The following DLG2 variants were observed in gnomAD, a reference collection of about 807,000 sequenced individuals.
DLG2 encodes discs large MAGUK scaffold protein 2.
DLG2 carries 45 observed loss-of-function variants against 132.5 expected under a neutral mutation model. That is an observed-to-expected ratio of 0.34 (90% CI 0.27 to 0.44). The LOEUF (loss-of-function observed/expected upper bound fraction) is 0.44, where lower values mean the gene tolerates loss of function less well. Ranked by LOEUF, DLG2 falls within the 20% of genes least tolerant of loss-of-function variation. DLG2 has a pLI of 1.00. For synonymous variants in DLG2, 424 were observed against 419.6 expected (o/e 1.01, Z -0.13); for missense variants, 1,045 against 1,196.9 (o/e 0.87, Z 1.87).
At chr11:84,826,883 A>G (rs2078389705) in intron 6 of DLG2, among the ~76,000 whole-genome samples, 1 of 151,834 alleles carries the variant, frequency 6.6e-6, no homozygotes, top group Admixed American at 6.6e-5. Flanking sequence ...AAAATCTTTC[A>G]ATATTTCTCC....
intron 3 of DLG2, among the ~76,000 whole-genome samples, chr11:85,476,233 C>A (rs2093137171): frequency 1.3e-5 from 2 of 151,976 alleles, no homozygotes. Flanking sequence ...GGAAAAGGTA[C>A]AGTAAATATA....
intron 6 of DLG2, among the ~76,000 whole-genome samples, chr11:85,105,591 T>C (rs1381862924): frequency 6.6e-6 from 1 of 151,962 alleles, no homozygotes. Flanking sequence ...TATGGCCAAA[T>C]GTACTCTAAT....
intron 6 of DLG2, among the ~76,000 whole-genome samples, chr11:84,953,966 C>A (rs900773155): frequency 3.9e-5 from 6 of 152,076 alleles, no homozygotes; most frequent in Non-Finnish European, 8.8e-5. Flanking sequence ...ATACATTGTT[C>A]CCTCTTCCAT....
At chr11:84,045,673 C>G (rs1272985061) in intron 11 of DLG2, among the ~76,000 whole-genome samples, 35 of 151,478 alleles carry the variant, frequency 2.3e-4, no homozygotes. Context: ...ATATCCAATT[C>G]TGTGTATTGT....
chr11:84,184,512 C>T (rs12795963), intron 8 of DLG2, among the ~76,000 whole-genome samples: 3 of 151,334 alleles, frequency 2.0e-5, no homozygotes, highest in African/African-American at 7.3e-5. Context: ...TTCTCCCATT[C>T]TGTAGGTTGC....
At chr11:83,578,968 T>C (rs1320423690) in intron 19 of DLG2, among the ~76,000 whole-genome samples, 1 of 152,242 alleles carries the variant, frequency 6.6e-6, no homozygotes, top group African/African-American at 2.4e-5. Flanking sequence ...TAGTATAGAA[T>C]ATTTGCTTCC....
At chr11:84,838,849 A>G (rs897256387) in intron 6 of DLG2, among the ~76,000 whole-genome samples, 3 of 152,118 alleles carry the variant, frequency 2.0e-5, no homozygotes, top group Non-Finnish European at 4.4e-5. Context: ...ATATCAAAAT[A>G]TTAAGAGCTA....
intron 7 of DLG2, among the ~76,000 whole-genome samples, chr11:84,325,267 T>C (rs1393618975): frequency 6.6e-6 from 1 of 152,072 alleles, no homozygotes; most frequent in East Asian, 1.9e-4. Context: ...AAGGTGAAGG[T>C]TTTTTACATA....
chr11:84,072,300 T>C lies in DLG2; in HGVS notation c.750-12816A>G, dbSNP rs139756423. 3.1e-3 allele frequency among the ~76,000 whole-genome samples: 473 copies of C among 152,330 alleles called. 2 individuals carry two copies. The highest frequency in any genetic ancestry group is 0.011 in the African/African-American group (447 of 41,572). ...TTTCTTCAAACATTATGCAAGTTCA[T>C]TGGTCAGGCCTCTTCCTCTGCCTGA... On this transcript the variant is annotated intron_variant, in intron 10 of 27. Coordinates refer to ENST00000376104, the MANE Select transcript of DLG2 (RefSeq NM_001142699.3).
At position 84,001,507 on chromosome 11, in the gene DLG2, G is replaced by A. The variant is rs1442573880; in HGVS notation, c.920-20865C>T. Reference sequence around the variant, plus strand: ...TAGATTCTAATACAATAATAGTGGGGTACTTCAATATCCCACTCGGCATTA... The same window carrying A: ...TAGATTCTAATACAATAATAGTGGGATACTTCAATATCCCACTCGGCATTA... On this transcript the variant is annotated intron_variant, in intron 11 of 27. Coordinates refer to ENST00000376104, the MANE Select transcript of DLG2 (RefSeq NM_001142699.3). Among the ~76,000 whole-genome samples the A allele has an allele frequency of 2.0e-5, 3 of 151,970 alleles. No individual in the cohort carries two copies. In the East Asian group the frequency reaches 5.8e-4, roughly 29 times the overall value.
At chr11:84,103,186 T>A (rs989638067) in intron 9 of DLG2, among the ~76,000 whole-genome samples, 1 of 152,128 alleles carries the variant, frequency 6.6e-6, no homozygotes, top group Non-Finnish European at 1.5e-5. Context: ...CCTTTATTGT[T>A]CTCTTCCAGC....
rs189635138 is a variant in DLG2, at chr11:85,478,325, A to G, written c.40+120332T>C. On this transcript the variant is annotated intron_variant, in intron 3 of 27. Transcript: ENST00000376104. ...GCATGAGCCACTGCACCTGGACCCA[A>G]ATATTTTCAATAGAGTGTAATTATT... Among the ~76,000 whole-genome samples the G allele has an allele frequency of 2.2e-3, 341 of 152,186 alleles. 2 individuals carry two copies. The highest frequency in any genetic ancestry group is 7.7e-3 in the African/African-American group (320 of 41,526).
At chr11:84,521,152 T>G (rs1020416593) in intron 7 of DLG2, among the ~76,000 whole-genome samples, 6 of 152,168 alleles carry the variant, frequency 3.9e-5, no homozygotes, top group African/African-American at 1.4e-4. Flanking sequence ...CACAGTTTAG[T>G]TGGAGAGATT....
intron 9 of DLG2, among the ~76,000 whole-genome samples, chr11:84,105,219 A>G (rs2092818481): frequency 6.6e-6 from 1 of 152,192 alleles, no homozygotes; most frequent in East Asian, 1.9e-4. Context: ...CATTTCTAAT[A>G]AAGTGATACG....
At chr11:85,515,128 G>A (rs2094147136) in intron 3 of DLG2, among the ~76,000 whole-genome samples, 1 of 151,816 alleles carries the variant, frequency 6.6e-6, no homozygotes, top group African/African-American at 2.4e-5. Context: ...TTGATTGTTG[G>A]AATATAAAAG....
At chr11:83,507,758 T>TTTTATATA (rs1473646062) in intron 21 of DLG2, among the ~76,000 whole-genome samples, 5 of 99,882 alleles carry the variant, frequency 5.0e-5, no homozygotes, top group African/African-American at 1.8e-4. Context: ...TATATTTTTA[T>TTTTATATA]TATATATATA....
At chr11:83,609,166 G>C (rs1566037067) in intron 19 of DLG2, among the ~76,000 whole-genome samples, 2 of 152,238 alleles carry the variant, frequency 1.3e-5, no homozygotes, top group Non-Finnish European at 2.9e-5. Context: ...CCCTTGGTTC[G>C]ACTTATTTCA....
intron 16 of DLG2, among the ~76,000 whole-genome samples, chr11:83,848,148 C>T (rs139585070): frequency 1.9e-4 from 27 of 142,120 alleles, no homozygotes; most frequent in African/African-American, 6.0e-4. Context: ...TTTTTAATCA[C>T]GGCATCTTGT....
chr11:84,120,582 G>A (rs74399131), intron 9 of DLG2, among the ~76,000 whole-genome samples: 3,976 of 152,254 alleles, frequency 0.026, 153 homozygotes, highest in African/African-American at 0.09. Context: ...GCCACAGAGT[G>A]GGTAAAGAGA....
Sources: gnomAD v4.1 joint callset for allele counts (sites outside exome capture counted in the v4.1 genomes callset) on GRCh38, gnomAD v4.1.1 for gene constraint, MANE v1.5 for transcripts, NCBI Gene and HGNC (gene_info 2026-07-23, HGNC 2026-07-21) for gene names.